Variants in P2RX6 observed in about 807,000 individuals in gnomAD.
The protein encoded by P2RX6 is purinergic receptor P2X 6.
In P2RX6, 62 loss-of-function variants were observed where a neutral mutation model predicts 54.2. That is an observed-to-expected ratio of 1.14 (90% confidence interval 0.93 to 1.41). The LOEUF is 1.41. P2RX6 is among the 40% of genes most tolerant of loss of function. The pLI, the probability that P2RX6 is intolerant of heterozygous loss-of-function variation, is 0.00. For missense variants in P2RX6, 541 were observed against 566.3 expected, an observed-to-expected ratio of 0.96 and a Z score of 0.45; for synonymous variants, 211 against 231.9, an observed-to-expected ratio of 0.91 and a Z score of 0.82.
chr22:21,017,777 C>G, intron 2 of P2RX6: 1 of 638,208 alleles, frequency 1.6e-6, no homozygotes, highest in South Asian at 1.6e-5. Flanking sequence ...AGACTTGTCT[C>G]AAGAGATGGA....
chr22:21,016,942 G>T (rs1322363930), intron 2 of P2RX6, among the ~76,000 whole-genome samples: 1 of 152,080 alleles, frequency 6.6e-6, no homozygotes, highest in Non-Finnish European at 1.5e-5. Flanking sequence ...TCCTCTCCTG[G>T]CATGGCCTCT....
At position 21,015,276 on chromosome 22, in the gene P2RX6, G is replaced by C; in HGVS notation, c.102G>C (p.Arg34Ser). The change falls in exon 1 of 12, where the codon AGG becomes AGC. Residue 34 changes from arginine (R) to serine (S), a missense_variant. Transcript: ENST00000413302. ...DYKTEKYVMT[R>S]NWRVGALQRL... ...AGACGGAGAAGTATGTGATGACCAG[G>C]AACTGGCGGGTGGGCGCCCTGCAGA... is the stretch of plus-strand genomic sequence containing the variant. 1 of 1,554,330 alleles carries C rather than the reference G, an allele frequency of 6.4e-7. No homozygotes were observed. The highest frequency in any genetic ancestry group is 8.6e-7 in the Non-Finnish European group (1 of 1,158,308).
chr22:21,026,170 T>C lies in P2RX6; in HGVS notation c.1051-82T>C. ...TGCTGGAGCCTCCGGTGCCTGCACA[T>C]TGAGTCTCGGGGTGCAGGCTGGGGA... On this transcript the variant is annotated intron_variant, in intron 10 of 11. Transcript: ENST00000413302. This position sits in a 1 kb window ranked among gnomAD's most constrained non-coding sequence, Gnocchi z 4.0. 6.6e-7 allele frequency: 1 copy of C among 1,520,850 alleles called. No individual in the cohort carries two copies. The highest frequency in any genetic ancestry group is 9.0e-7 in the Non-Finnish European group (1 of 1,116,468). The allele number at this position is 1,520,850 out of a possible 1,614,324, so 94.2% of individuals were successfully genotyped here. A position where few individuals can be genotyped will look rare whatever the true frequency, so the allele number is the denominator to read the frequency against.
At chr22:21,025,467 TGTCCCCTCCA>T (rs1928264568) in intron 8 of P2RX6, among the ~76,000 whole-genome samples, 1 of 152,148 alleles carries the variant, frequency 6.6e-6, no homozygotes, top group Non-Finnish European at 1.5e-5. Flanking sequence ...CCCAGCCTCA[TGTCCCCTCCA>T]GGAAGTCTAC....
At position 21,027,497 on chromosome 22, in the gene P2RX6, G is replaced by A. The variant is rs1057257126; in HGVS notation, c.*880G>A. 3 of 152,310 alleles carry A rather than the reference G, an allele frequency of 2.0e-5. No individual in the cohort carries two copies. The highest frequency in any genetic ancestry group is 7.2e-5 in the African/African-American group (3 of 41,388). 9.4% of individuals were successfully genotyped at this position (152,310 alleles called of 1,614,324 possible). A position where few individuals can be genotyped will look rare whatever the true frequency, so the allele number is the denominator to read the frequency against. On this transcript the variant is annotated 3_prime_UTR_variant, in exon 12 of 12. Coordinates refer to ENST00000413302, the MANE Select transcript of P2RX6 (RefSeq NM_005446.5). ...ACATCTGAAATTCACTTCAGTCCAA[G>A]TCATACCTAGGAAGCTGTCTGGGCA...
intron 8 of P2RX6, among the ~76,000 whole-genome samples, chr22:21,024,241 A>T (rs1314399221): frequency 6.7e-6 from 1 of 150,046 alleles, no homozygotes; most frequent in Non-Finnish European, 1.5e-5. Flanking sequence ...TTACAGACGT[A>T]AACCACCATG....
At position 21,015,225 on chromosome 22, in the gene P2RX6, G is replaced by A. The variant is rs553360436; in HGVS notation, c.51G>A (p.Thr17=). 1.3e-6 allele frequency: 2 copies of A among 1,535,070 alleles called. No homozygotes were observed. The highest frequency in any genetic ancestry group is 2.4e-5 in the Admixed American group (1 of 41,168). ...GCAGCATGGGCTCCCCAGGGGCTAC[G>A]ACAGGCTGGGGGCTTCTGGATTATA... ...GAGSMGSPGA[T]TGWGLLDYKT... is the part of the protein sequence containing the mutation. Residue 17 remains threonine, a synonymous_variant, in exon 1 of 12, where the codon ACG becomes ACA. Transcript: ENST00000413302.
upstream of P2RX6, chr22:21,011,443 A>G (rs564054969): frequency 2.2e-4 from 153 of 699,444 alleles, 3 homozygotes; most frequent in South Asian, 2.3e-3. Flanking sequence ...TGTGTGGGCC[A>G]GCAGGAGTTC....
At chr22:21,011,585 C>T (rs375647040), upstream of P2RX6, 1,443 of 715,428 alleles carry the variant, frequency 2.0e-3, 13 homozygotes, top group African/African-American at 0.021. Flanking sequence ...TCCAACAGGT[C>T]CACATCTGGG....
chr22:21,012,549 C>G (rs1423486476), upstream of P2RX6: 3 of 620,960 alleles, frequency 4.8e-6, no homozygotes, highest in Non-Finnish European at 9.1e-6. Flanking sequence ...TGCTTTTGCT[C>G]AGGGCACCTG....
rs1404551449 is a variant in P2RX6 at position 21,023,407 on chromosome 22, G to A, written c.771G>A (p.Leu257=). ...AGGCTGGAGGGACCTTCGAGGACCT[G>A]GCGTTGCTGGTGGGTCCCAAGTTGG... is the stretch of plus-strand genomic sequence containing the variant. ...VAKAGGTFED[L]ALLGGSVGIR... The change falls in exon 7 of 12, where the codon CTG becomes CTA. Residue 257 remains leucine (L), a synonymous_variant. Coordinates refer to ENST00000413302, the MANE Select transcript of P2RX6 (RefSeq NM_005446.5). The A allele has an allele frequency of 1.7e-5, 27 of 1,613,920 alleles. No homozygotes were observed. The highest frequency in any genetic ancestry group is 2.2e-5 in the Non-Finnish European group (26 of 1,179,906).
intron 3 of P2RX6, among the ~76,000 whole-genome samples, chr22:21,019,745 A>G (rs1336371748): frequency 6.6e-6 from 1 of 152,264 alleles, no homozygotes; most frequent in African/African-American, 2.4e-5. Context: ...TTACCCACAT[A>G]TTTATTGACA....
At chr22:21,024,267 G>C (rs964552922) in intron 8 of P2RX6, among the ~76,000 whole-genome samples, 1 of 146,212 alleles carries the variant, frequency 6.8e-6, no homozygotes, top group Admixed American at 6.9e-5. Context: ...CCTCCCTTCC[G>C]CTTTTACCTA....
At chr22:21,017,788 C>G in intron 2 of P2RX6, 1 of 658,460 alleles carries the variant, frequency 1.5e-6, no homozygotes, top group South Asian at 1.6e-5. Context: ...AAGAGATGGA[C>G]ATGGGCACAA....
intron 8 of P2RX6, among the ~76,000 whole-genome samples, 169 bp downstream of exon 8, chr22:21,023,787 G>T (rs1366414953): frequency 6.6e-6 from 1 of 152,070 alleles, no homozygotes; most frequent in Non-Finnish European, 1.5e-5. Context: ...TCCAGCACAG[G>T]CTCCGTCCTG....
At position 21,026,998 on chromosome 22, in the gene P2RX6, G is replaced by C. The variant is rs1928571383; in HGVS notation, c.*381G>C. 1 of 232,148 alleles carries C rather than the reference G, an allele frequency of 4.3e-6. No individual in the cohort carries two copies. Among genetic ancestry groups the C allele is most frequent in the South Asian group, 8.7e-5 (1 of 11,452 alleles). 14.4% of individuals were successfully genotyped at this position (232,148 alleles called of 1,614,324 possible). ...GTCAGCACAGACCCTCCTGCTGCCT[G>C]GGTCCTGGCCCTCCTCCCCCATCTG... On this transcript the variant is annotated 3_prime_UTR_variant, in exon 12 of 12. Coordinates refer to ENST00000413302, the MANE Select transcript of P2RX6 (RefSeq NM_005446.5). This position sits in a 1 kb window ranked among gnomAD's most constrained non-coding sequence, Gnocchi z 4.0.
At chr22:21,010,465 A>T (rs1373983773), upstream of P2RX6, 2 of 152,032 alleles carry the variant, frequency 1.3e-5, no homozygotes, top group Admixed American at 6.6e-5. Flanking sequence ...GTCTGGTGCC[A>T]CCCCACTCCC....
At chr22:21,012,850 G>A (rs564909548), upstream of P2RX6, among the ~76,000 whole-genome samples, 1 of 151,374 alleles carries the variant, frequency 6.6e-6, no homozygotes, top group East Asian at 2.0e-4. Context: ...TTAGAAGCCT[G>A]AAGGCTCCCC....
At chr22:21,011,453 C>G, upstream of P2RX6, 1 of 701,194 alleles carries the variant, frequency 1.4e-6, no homozygotes, top group South Asian at 1.5e-5. Flanking sequence ...AGCAGGAGTT[C>G]GGCAAGGTGC....
Sources: allele counts gnomAD v4.1 joint callset (sites outside exome capture counted in the v4.1 genomes callset), GRCh38; gene constraint gnomAD v4.1.1; non-coding constraint Gnocchi (gnomAD v3.1); transcripts MANE v1.5; gene names NCBI Gene and HGNC (gene_info 2026-07-23, HGNC 2026-07-21).